CCDC102B: variants seen among roughly 807,000 people sequenced by gnomAD.
CCDC102B encodes coiled-coil domain containing 102B.
A neutral mutation model predicts 57.4 loss-of-function variants in CCDC102B; 75 were observed. The ratio of observed to expected loss-of-function variants is 1.31; its 90% CI spans 1.08 to 1.58. CCDC102B has a LOEUF of 1.58. CCDC102B is among the 40% of genes most tolerant of loss of function. CCDC102B has a pLI of 0.00. For missense variants in CCDC102B, 636 were observed against 582.6 expected (o/e 1.09, Z -0.94); for synonymous variants, 206 against 201.9 (o/e 1.02, Z -0.17).
chr18:68,931,188 T>TTTTG (rs1413779311), intron 6 of CCDC102B, among the ~76,000 whole-genome samples: 1 of 151,758 alleles, frequency 6.6e-6, no homozygotes, highest in Non-Finnish European at 1.5e-5. Context: ...CCAGAGAAAT[T>TTTTG]TTTGTTTGTT....
intron 4 of CCDC102B, among the ~76,000 whole-genome samples, chr18:68,849,842 C>T (rs2038044588): frequency 6.6e-6 from 1 of 152,082 alleles, no homozygotes; most frequent in Admixed American, 6.6e-5. Context: ...TCACATATAG[C>T]CCTACCTGTG....
intron 2 of CCDC102B, among the ~76,000 whole-genome samples, chr18:68,761,512 A>G (rs1227866544): frequency 6.6e-6 from 1 of 151,502 alleles, no homozygotes; most frequent in African/African-American, 2.4e-5. Context: ...ATTTTAAAAT[A>G]ATTTTTTATT....
rs1732749599 is a variant in CCDC102B, at chr18:68,955,043, G to C, written c.1264-55891G>C. Reference sequence around the variant, plus strand: ...AGAGCTACTATCACACCTCTATTTTGCTTTTGTCACTCACTCTTCCTGAAA... The same window carrying C: ...AGAGCTACTATCACACCTCTATTTTCCTTTTGTCACTCACTCTTCCTGAAA... On this transcript the variant is annotated intron_variant, in intron 6 of 7. Transcript: ENST00000360242. Among the ~76,000 whole-genome samples, 11 of 152,192 alleles carry C rather than the reference G, an allele frequency of 7.2e-5. No individual in the cohort carries two copies. The South Asian group carries it at 2.3e-3, about 32-fold the overall frequency.
chr18:68,795,531 T>A (rs1235572059), upstream of CCDC102B, among the ~76,000 whole-genome samples: 1 of 152,276 alleles, frequency 6.6e-6, no homozygotes, highest in South Asian at 2.1e-4. Context: ...AACCCTTTTT[T>A]GACTCTTCCT....
intron 7 of CCDC102B, among the ~76,000 whole-genome samples, chr18:69,023,604 C>A (rs900276113): frequency 2.6e-5 from 4 of 151,910 alleles, no homozygotes; most frequent in Admixed American, 2.0e-4. Context: ...AGCCTTACCA[C>A]AATCTTGAAA....
At chr18:69,032,701 T>A (rs2052180996) in intron 7 of CCDC102B, among the ~76,000 whole-genome samples, 1 of 152,190 alleles carries the variant, frequency 6.6e-6, no homozygotes, top group East Asian at 1.9e-4. Flanking sequence ...ATCTCTGGGA[T>A]GCTGAAGTGT....
chr18:68,872,691 C>G (rs1409468702), intron 4 of CCDC102B, among the ~76,000 whole-genome samples: 1 of 151,932 alleles, frequency 6.6e-6, no homozygotes, highest in African/African-American at 2.4e-5. Flanking sequence ...CTCCATGTGG[C>G]CTCCCTTTTC....
intron 2 of CCDC102B, among the ~76,000 whole-genome samples, chr18:68,774,808 CTTCA>C (rs2034754931): frequency 6.6e-6 from 1 of 151,700 alleles, no homozygotes. Context: ...ATTCTTTACT[CTTCA>C]TTTAATAATC....
intron 1 of CCDC102B, among the ~76,000 whole-genome samples, chr18:68,817,303 G>A (rs1350869549): frequency 6.6e-6 from 1 of 152,186 alleles, no homozygotes; most frequent in Non-Finnish European, 1.5e-5. Flanking sequence ...GGGAGTCTGA[G>A]GAAAGATTTT....
At chr18:68,913,659 G>GA (rs35793292) in intron 6 of CCDC102B, among the ~76,000 whole-genome samples, 91,581 of 141,812 alleles carry the variant, frequency 0.65, 30,416 homozygotes, top group African/African-American at 0.81. Context: ...GGTCTCAAAA[G>GA]AAAAAAAAAA....
intron 4 of CCDC102B, among the ~76,000 whole-genome samples, chr18:68,865,271 G>A (rs941216066): frequency 3.3e-5 from 5 of 151,920 alleles, no homozygotes; most frequent in East Asian, 3.9e-4. Flanking sequence ...TTATATTTTC[G>A]CAAATAGATG....
At chr18:69,048,054 A>G (rs1347768015) in intron 7 of CCDC102B, among the ~76,000 whole-genome samples, 3 of 152,290 alleles carry the variant, frequency 2.0e-5, no homozygotes, top group East Asian at 3.9e-4. Flanking sequence ...TAAATGTCAT[A>G]GCCCACATTG....
intron 5 of CCDC102B, among the ~76,000 whole-genome samples, chr18:68,875,447 A>T (rs981476025): frequency 6.6e-6 from 1 of 152,184 alleles, no homozygotes; most frequent in African/African-American, 2.4e-5. Context: ...CTTGTCTTGG[A>T]ACAGATAATT....
intron 5 of CCDC102B, among the ~76,000 whole-genome samples, chr18:68,885,875 A>G (rs932348240): frequency 6.6e-6 from 1 of 152,020 alleles, no homozygotes; most frequent in Non-Finnish European, 1.5e-5. Context: ...CACTCATATT[A>G]TGTTCTGAGT....
chr18:68,747,232 C>T (rs1348503991), intron 2 of CCDC102B, among the ~76,000 whole-genome samples: 1 of 151,980 alleles, frequency 6.6e-6, no homozygotes, highest in Non-Finnish European at 1.5e-5. Flanking sequence ...TGTTCTCTTT[C>T]TCTGCTCCCC....
intron 7 of CCDC102B, among the ~76,000 whole-genome samples, chr18:69,016,142 C>T (rs529427562): frequency 1.5e-4 from 22 of 151,708 alleles, no homozygotes; most frequent in Admixed American, 9.2e-4. Flanking sequence ...GGATTACAGG[C>T]GTGAGCCACC....
intron 6 of CCDC102B, among the ~76,000 whole-genome samples, chr18:68,962,995 A>G (rs2145234076): frequency 6.6e-6 from 1 of 152,034 alleles, no homozygotes; most frequent in African/African-American, 2.4e-5. Flanking sequence ...TCATGTGTCC[A>G]TATATTTATT....
intron 6 of CCDC102B, among the ~76,000 whole-genome samples, chr18:68,959,056 C>T (rs1444423522): frequency 6.6e-6 from 1 of 152,120 alleles, no homozygotes; most frequent in Non-Finnish European, 1.5e-5. Flanking sequence ...TGTCTTGATG[C>T]TGTTGATGTT....
At chr18:68,973,733 A>C (rs977115683) in intron 6 of CCDC102B, among the ~76,000 whole-genome samples, 4 of 152,168 alleles carry the variant, frequency 2.6e-5, no homozygotes, top group Non-Finnish European at 4.4e-5. Flanking sequence ...AAAAATGTAC[A>C]ATATTTGTGA....
Sources: gnomAD v4.1 joint callset for allele counts (sites outside exome capture counted in the v4.1 genomes callset) on GRCh38, gnomAD v4.1.1 for gene constraint, MANE v1.5 for transcripts, NCBI Gene and HGNC (gene_info 2026-07-23, HGNC 2026-07-21) for gene names.